PTPRC: variants seen among roughly 807,000 people sequenced by gnomAD.
PTPRC encodes protein tyrosine phosphatase receptor type C, also known as receptor-type tyrosine-protein phosphatase C.
In PTPRC, 44 loss-of-function variants were observed where a neutral mutation model predicts 155.9. That is an observed-to-expected ratio of 0.28 (90% confidence interval 0.22 to 0.36). PTPRC has a LOEUF of 0.36. PTPRC is among the 10% of genes least tolerant of loss of function. PTPRC has a pLI of 1.00. For missense variants in PTPRC, 1,401 were observed against 1,564.6 expected, an observed-to-expected ratio of 0.90 and a Z score of 1.76; for synonymous variants, 525 against 533.1, an observed-to-expected ratio of 0.98 and a Z score of 0.21.
intron 11 of PTPRC, 104 bp downstream of exon 11, chr1:198,709,928 T>G: frequency 6.8e-7 from 1 of 1,473,656 alleles, no homozygotes; most frequent in Non-Finnish European, 9.3e-7. Flanking sequence ...CTGTTTTTGA[T>G]ACTTTTTAAG....
rs139007697 is a variant in PTPRC, at chr1:198,711,454, C to T, written c.1172-1499C>T. ...TCTGTAGAAAAAAAATGAACATCAG[C>T]TCTCACCTCTCAACAAACACAAAAA... On this transcript the variant is annotated intron_variant, in intron 11 of 32. Coordinates refer to ENST00000442510, the MANE Select transcript of PTPRC (RefSeq NM_002838.5). Among the ~76,000 whole-genome samples the T allele has an allele frequency of 2.6e-5, 4 of 152,110 alleles. No individual in the cohort carries two copies. The East Asian group carries it at 7.7e-4, about 29-fold the overall frequency.
intron 14 of PTPRC, among the ~76,000 whole-genome samples, chr1:198,720,994 C>T (rs568690898): frequency 5.9e-5 from 9 of 152,244 alleles, no homozygotes; most frequent in African/African-American, 2.2e-4. Flanking sequence ...TATGCCTCTC[C>T]CACTCTTCAA....
chr1:198,702,495 G>A lies in PTPRC; in HGVS notation c.548G>A (p.Arg183His), dbSNP rs138554556. 2.0e-5 allele frequency: 33 copies of A among 1,613,974 alleles called. No homozygotes were observed. Among genetic ancestry groups the A allele is most frequent in the South Asian group, 3.3e-5 (3 of 91,080 alleles). ...CACAGCTCTGCTGCCTTACCTGCAC[G>A]CACCTCCAACACCACCATCACAGCG... ...AHHSSAALPA[R>H]TSNTTITANT... The change falls in exon 6 of 33, where the codon CGC (arginine) becomes CAC (histidine). Residue 183 changes from arginine to histidine, a missense_variant. By Grantham distance (29) the Arg-to-His change is conservative (BLOSUM62 0). This residue lies in a region of PTPRC where 867 missense variants were observed against 970.4 expected (regional missense o/e 0.89). Transcript: ENST00000442510.
chr1:198,669,311 G>A (rs758289717), intron 2 of PTPRC, among the ~76,000 whole-genome samples: 7 of 152,104 alleles, frequency 4.6e-5, no homozygotes, highest in Non-Finnish European at 1.0e-4. Context: ...GACTGGTCAT[G>A]CTCACATCTG....
In PTPRC at chr1:198,756,428, T is replaced by C. The variant is rs1655668609; in HGVS notation, c.*247T>C. On this transcript the variant is annotated 3_prime_UTR_variant, in exon 33 of 33. Coordinates refer to ENST00000442510, the MANE Select transcript of PTPRC (RefSeq NM_002838.5). ...GTAAAAAACAACTTCTTTGTAATCG[T>C]TATGTGTGTATATGTATGTGTGTAT... 1 of 522,288 alleles carries C rather than the reference T, an allele frequency of 1.9e-6. No individual in the cohort carries two copies. The highest frequency in any genetic ancestry group is 3.4e-6 in the Non-Finnish European group (1 of 293,134). The allele number at this position is 522,288 out of a possible 1,614,324, so 32.4% of individuals were successfully genotyped here.
intron 3 of PTPRC, chr1:198,693,943 C>T (rs1666064290): frequency 2.0e-6 from 3 of 1,475,704 alleles, no homozygotes; most frequent in Non-Finnish European, 2.7e-6. Flanking sequence ...AGGGACAGAA[C>T]TAATAGGTTA....
At chr1:198,666,541 C>A (rs1326278) in intron 2 of PTPRC, among the ~76,000 whole-genome samples, 127,647 of 152,134 alleles carry the variant, frequency 0.84, 53,665 homozygotes, top group East Asian at 0.95. Flanking sequence ...GTCTGTTAAT[C>A]TATTAACTGA....
chr1:198,755,843 T>G (rs1655621473), intron 32 of PTPRC, 63 bp from the exon 33 acceptor site: 1 of 1,492,264 alleles, frequency 6.7e-7, no homozygotes, highest in Non-Finnish European at 9.3e-7. Flanking sequence ...CTAATCTTCA[T>G]CTGGCATAAA....
chr1:198,706,744 T>A lies in PTPRC; in HGVS notation c.696T>A (p.Tyr232Ter). 6.2e-7 allele frequency: 1 copy of A among 1,609,156 alleles called. No homozygotes were observed. Among genetic ancestry groups the A allele is most frequent in the Non-Finnish European group, 8.5e-7 (1 of 1,177,086 alleles). ...TCTATTTTCTTTTAGATGAAAAATA[T>A]GCAAACATCACTGTGGATTACTTAT... The part of the protein sequence containing the change: ...TPSKPTCDEK[Y>*]ANITVDYLYN... Residue 232 changes from tyrosine (Y) to a stop codon, truncating the protein, a stop_gained, in exon 9 of 33, where the codon TAT (tyrosine) becomes TAA (stop). Coordinates refer to ENST00000442510, the MANE Select transcript of PTPRC (RefSeq NM_002838.5). LOFTEE classifies it high-confidence loss of function.
At chr1:198,691,037 T>C (rs923172943) in intron 2 of PTPRC, among the ~76,000 whole-genome samples, 1 of 152,130 alleles carries the variant, frequency 6.6e-6, no homozygotes. Context: ...CTCTTTATTC[T>C]TGTTTGCTAC....
In PTPRC at chr1:198,718,241, C is replaced by A. The variant is rs1333928530; in HGVS notation, c.1598C>A (p.Ser533Ter). The A allele has an allele frequency of 6.2e-7, 1 of 1,614,008 alleles. No homozygotes were observed. Among genetic ancestry groups the A allele is most frequent in the Non-Finnish European group, 8.5e-7 (1 of 1,179,966 alleles). ...EAGNTLVRNE[S>*]HKNCDFRVKD... ...GGAAATACTCTGGTTAGAAATGAGT[C>A]GCATAAGAATTGCGATTTCCGTGTA... The change falls in exon 14 of 33, where the codon TCG (serine) becomes TAG (stop). Residue 533 changes from serine (S) to a stop codon, truncating the protein, a stop_gained. Transcript: ENST00000442510. LOFTEE classifies it high-confidence loss of function.
intron 2 of PTPRC, among the ~76,000 whole-genome samples, chr1:198,641,714 T>C (rs1166432055): frequency 6.6e-6 from 1 of 151,976 alleles, no homozygotes; most frequent in East Asian, 1.9e-4. Context: ...TGTTCTCTGG[T>C]TCTAATAAAG....
intron 2 of PTPRC, among the ~76,000 whole-genome samples, chr1:198,644,308 C>T (rs1446338701): frequency 1.3e-5 from 2 of 150,452 alleles, no homozygotes; most frequent in African/African-American, 5.0e-5. Flanking sequence ...ATGACTTTTG[C>T]ATACATAAAG....
chr1:198,641,479 T>C (rs1422866898), intron 2 of PTPRC, among the ~76,000 whole-genome samples: 1 of 152,044 alleles, frequency 6.6e-6, no homozygotes, highest in East Asian at 1.9e-4. Flanking sequence ...GGTAACTCTA[T>C]GCATAATTCA....
At chr1:198,661,537 A>G (rs1450405352) in intron 2 of PTPRC, among the ~76,000 whole-genome samples, 1 of 151,930 alleles carries the variant, frequency 6.6e-6, no homozygotes, top group African/African-American at 2.4e-5. Context: ...TTCTGGAAAC[A>G]TTAATTTTCT....
chr1:198,719,102 C>G (rs1653748352), intron 14 of PTPRC, among the ~76,000 whole-genome samples: 1 of 151,822 alleles, frequency 6.6e-6, no homozygotes, highest in Non-Finnish European at 1.5e-5. Context: ...CCTAAAAATG[C>G]ATTTATTGGG....
rs200544820 is a variant in PTPRC, at chr1:198,675,205, A to G, written c.74-17142A>G. Among the ~76,000 whole-genome samples the G allele has an allele frequency of 1.5e-4, 23 of 152,288 alleles. No individual in the cohort carries two copies. The East Asian group carries it at 2.5e-3, about 17-fold the overall frequency. ...GACTCTATTTTTCCCAGTTCTAAAC[A>G]TTTTACTAGAATAATAATTGTATTC... On this transcript the variant is annotated intron_variant, in intron 2 of 32. Coordinates refer to ENST00000442510, the MANE Select transcript of PTPRC (RefSeq NM_002838.5).
At chr1:198,653,998 C>T (rs1300343721) in intron 2 of PTPRC, among the ~76,000 whole-genome samples, 1 of 151,808 alleles carries the variant, frequency 6.6e-6, no homozygotes, top group Non-Finnish European at 1.5e-5. Flanking sequence ...AAAACATTTC[C>T]TTCCGCTGGC....
At chr1:198,650,746 A>G (rs1412964457) in intron 2 of PTPRC, among the ~76,000 whole-genome samples, 2 of 151,820 alleles carry the variant, frequency 1.3e-5, no homozygotes, top group East Asian at 3.9e-4. Flanking sequence ...AGTGTAAATA[A>G]ACATGTAGAG....
Sources: gnomAD v4.1 joint callset for allele counts (sites outside exome capture counted in the v4.1 genomes callset) on GRCh38, gnomAD v4.1.1 for gene constraint, gnomAD v4.1.1 regional missense constraint, MANE v1.5 for transcripts, NCBI Gene and HGNC (gene_info 2026-07-23, HGNC 2026-07-21) for gene names.